Variants in TECPR2 observed in about 807,000 individuals in gnomAD.
The protein encoded by TECPR2 is tectonin beta-propeller repeat-containing protein 2.
Under a neutral mutation model 138.1 loss-of-function variants are expected in TECPR2, and 65 were observed. The ratio of observed to expected loss-of-function variants is 0.47; its 90% CI spans 0.39 to 0.58. The LOEUF is 0.58. TECPR2 is among the 20% of genes least tolerant of loss of function. The pLI is 0.00. For missense variants in TECPR2, 1,553 were observed against 1,824.5 expected (o/e 0.85, Z 2.71); for synonymous variants, 746 against 749.8 (o/e 0.99, Z 0.08).
At chr14:102,399,795 C>T (rs554467017) in intron 2 of TECPR2, among the ~76,000 whole-genome samples, 21 of 150,594 alleles carry the variant, frequency 1.4e-4, no homozygotes, top group South Asian at 2.1e-4. Context: ...CTGGCCACTG[C>T]GCTCCAGCCT....
rs202209194 is a variant in TECPR2, at chr14:102,443,795, G to A, written c.2901G>A (p.Pro967=). The stretch of plus-strand genomic sequence containing the variant: ...GGGAGGGCGTGAGCAGCTTCTGTCC[G>A]GAAGGCGAGCAGTGGAAGTGTGACA... ...LYREGVSSFC[P]EGEQWKCDIV... Residue 967 remains proline, a synonymous_variant, in exon 12 of 20, where the codon CCG becomes CCA. Transcript: ENST00000359520. The surrounding 1 kb of genome is among the most constrained non-coding windows in gnomAD (Gnocchi z 4.9). 16 of 1,598,626 alleles carry A rather than the reference G, an allele frequency of 1.0e-5. No homozygotes were observed. Among genetic ancestry groups the A allele is most frequent in the Admixed American group, 5.1e-5 (3 of 58,790 alleles).
At chr14:102,414,592 T>C (rs1393283745) in intron 4 of TECPR2, 44 bp from the exon 5 acceptor site, 2 of 1,607,076 alleles carry the variant, frequency 1.2e-6, no homozygotes, top group Admixed American at 1.7e-5. Flanking sequence ...GTCCATTCTT[T>C]AGCCTGGCGC....
At chr14:102,478,471 A>G (rs1222620715) in intron 17 of TECPR2, among the ~76,000 whole-genome samples, 3 of 151,788 alleles carry the variant, frequency 2.0e-5, no homozygotes, top group African/African-American at 7.3e-5. Context: ...GCTTGAGCTC[A>G]GGAGTTCAAG....
Position 102,376,670 on chromosome 14 carries a change from A to T in TECPR2, c.-52A>T. 6.4e-7 allele frequency: 1 copy of T among 1,551,326 alleles called. No individual in the cohort carries two copies. The highest frequency in any genetic ancestry group is 8.9e-7 in the Non-Finnish European group (1 of 1,125,480). ...TGTAGCCCCCAGGTTTCCCTAGATG[A>T]CAAATAAACATTCCTTTTCCTGCGT... On this transcript the variant is annotated 5_prime_UTR_variant, in exon 2 of 20. Coordinates refer to ENST00000359520, the MANE Select transcript of TECPR2 (RefSeq NM_014844.5).
At chr14:102,463,411 C>T (rs1182963065) in intron 16 of TECPR2, among the ~76,000 whole-genome samples, 3 of 113,388 alleles carry the variant, frequency 2.6e-5, no homozygotes, top group Admixed American at 1.1e-4. Flanking sequence ...AGCGAGACTC[C>T]GTCTCAAAAA....
chr14:102,455,509 C>G (rs1056615683), intron 16 of TECPR2, among the ~76,000 whole-genome samples: 1 of 152,208 alleles, frequency 6.6e-6, no homozygotes, highest in Non-Finnish European at 1.5e-5. Flanking sequence ...TGCAGTGGCA[C>G]GATCTTGGCT....
chr14:102,445,601 A>G (rs1013213804), intron 12 of TECPR2, among the ~76,000 whole-genome samples: 2 of 152,174 alleles, frequency 1.3e-5, no homozygotes, highest in East Asian at 3.9e-4. Flanking sequence ...TGTCTTTCAA[A>G]AGCTGCCACC....
At chr14:102,363,464 C>T (rs1045407031) in intron 1 of TECPR2, among the ~76,000 whole-genome samples, 1 of 152,134 alleles carries the variant, frequency 6.6e-6, no homozygotes, top group South Asian at 2.1e-4. Flanking sequence ...GGGCTCTGCT[C>T]CTTCGCCTTA....
At chr14:102,458,946 A>C (rs1413522061) in intron 16 of TECPR2, among the ~76,000 whole-genome samples, 1 of 108,678 alleles carries the variant, frequency 9.2e-6, no homozygotes, top group Non-Finnish European at 1.8e-5. Flanking sequence ...CCTGTTTCTT[A>C]AAAAAAAAAA....
chr14:102,374,392 G>A (rs533480975), intron 1 of TECPR2, among the ~76,000 whole-genome samples: 1 of 152,112 alleles, frequency 6.6e-6, no homozygotes, highest in Non-Finnish European at 1.5e-5. Context: ...TTAAGAGACA[G>A]TGTCTCACTC....
rs574542367 is a variant in TECPR2, at chr14:102,382,902, G to A, written c.219+5962G>A. ...CTCCCAAGTAGCTGGGATTACAGGC[G>A]CCTGCCACCACGCCCAGCTAATTTT... On this transcript the variant is annotated intron_variant, in intron 2 of 19. Transcript: ENST00000359520. 1.3e-4 allele frequency among the ~76,000 whole-genome samples: 20 copies of A among 152,116 alleles called. No individual in the cohort carries two copies. In the South Asian group the frequency reaches 2.9e-3, roughly 22 times the overall value.
chr14:102,486,368 C>T (rs1447769771), intron 17 of TECPR2, among the ~76,000 whole-genome samples: 2 of 152,206 alleles, frequency 1.3e-5, no homozygotes, highest in Non-Finnish European at 1.5e-5. Flanking sequence ...GACACAATCT[C>T]AGTTCACTGT....
At position 102,498,470 on chromosome 14, in the gene TECPR2, G is replaced by T. The variant is rs1429880244; in HGVS notation, c.*213G>T. ...GGCTGGCGTGATTGCTGCAGCAGTG[G>T]CGCCTCCTAGCTCAGGACAGTGGCG... On this transcript the variant is annotated 3_prime_UTR_variant, in exon 20 of 20. Coordinates refer to ENST00000359520, the MANE Select transcript of TECPR2 (RefSeq NM_014844.5). The T allele has an allele frequency of 3.1e-6, 2 of 642,114 alleles. No individual in the cohort carries two copies. Among genetic ancestry groups the T allele is most frequent in the Non-Finnish European group, 5.3e-6 (2 of 378,702 alleles). The allele number at this position is 642,114 out of a possible 1,614,324, so 39.8% of individuals were successfully genotyped here. A position where few individuals can be genotyped will look rare whatever the true frequency, so the allele number is the denominator to read the frequency against.
intron 13 of TECPR2, 84 bp downstream of exon 13, chr14:102,446,031 G>A (rs1889969045): frequency 5.6e-6 from 8 of 1,418,836 alleles, no homozygotes; most frequent in East Asian, 2.4e-5. Context: ...TTTCCTTAAC[G>A]ATACTAGATT....
At chr14:102,483,397 T>G (rs914868087) in intron 17 of TECPR2, among the ~76,000 whole-genome samples, 6 of 121,760 alleles carry the variant, frequency 4.9e-5, no homozygotes, top group Admixed American at 3.5e-4. Flanking sequence ...TTTTTGTGTG[T>G]TGTTGTTGTT....
At chr14:102,375,427 A>T (rs1477549955) in intron 1 of TECPR2, among the ~76,000 whole-genome samples, 1 of 152,156 alleles carries the variant, frequency 6.6e-6, no homozygotes, top group Non-Finnish European at 1.5e-5. Flanking sequence ...GGGGAGGAGA[A>T]ATCAAGTACG....
In TECPR2 at chr14:102,499,661, C is replaced by G; in HGVS notation, c.*1404C>G. ...CAGTGCCCACCCCGCCCACTGGCAT[C>G]TGCGTGTGAGGGCTAGGCCGCCCTG... On this transcript the variant is annotated 3_prime_UTR_variant, in exon 20 of 20. Coordinates refer to ENST00000359520, the MANE Select transcript of TECPR2 (RefSeq NM_014844.5). The G allele has an allele frequency of 5.1e-6, 1 of 195,586 alleles. No homozygotes were observed. Among genetic ancestry groups the G allele is most frequent in the Non-Finnish European group, 1.1e-5 (1 of 94,082 alleles). 12.1% of individuals were successfully genotyped at this position (195,586 alleles called of 1,614,324 possible). A position where few individuals can be genotyped will look rare whatever the true frequency, so the allele number is the denominator to read the frequency against.
intron 17 of TECPR2, among the ~76,000 whole-genome samples, chr14:102,482,050 T>G (rs925051715): frequency 5.9e-5 from 9 of 151,854 alleles, no homozygotes; most frequent in African/African-American, 2.2e-4. Flanking sequence ...TCATCTAGTT[T>G]TTTTTCTTTT....
chr14:102,437,833 G>C lies in TECPR2; in HGVS notation c.2395-189G>C, dbSNP rs561983792. Reference sequence around the variant, plus strand: ...TCTTTGTAGGGAGACAGCAGCACGCGTCTCAGAAGGTTTGTAGTAGAGGGG... The same window carrying C: ...TCTTTGTAGGGAGACAGCAGCACGCCTCTCAGAAGGTTTGTAGTAGAGGGG... On this transcript the variant is annotated intron_variant, in intron 9 of 19. Transcript: ENST00000359520. Among the ~76,000 whole-genome samples, 4 of 152,292 alleles carry C rather than the reference G, an allele frequency of 2.6e-5. No homozygotes were observed. In the South Asian group the frequency reaches 8.3e-4, roughly 32 times the overall value.
Sources: allele counts gnomAD v4.1 joint callset (sites outside exome capture counted in the v4.1 genomes callset), GRCh38; gene constraint gnomAD v4.1.1; non-coding constraint Gnocchi (gnomAD v3.1); transcripts MANE v1.5; gene names NCBI Gene and HGNC (gene_info 2026-07-23, HGNC 2026-07-21).